The following MCTP1 variants were observed in gnomAD, a reference collection of about 807,000 sequenced individuals.
The protein encoded by MCTP1 is multiple C2 and transmembrane domain containing 1, also known as multiple C2 and transmembrane domain-containing protein 1.
Under a neutral mutation model 120.6 loss-of-function variants are expected in MCTP1, and 69 were observed. That is an observed-to-expected ratio of 0.57 (90% CI 0.47 to 0.70). The LOEUF is 0.70. Among genes scored for constraint, MCTP1 ranks in the 30% least tolerant of loss-of-function variants. The probability of loss-of-function intolerance (pLI) is 0.00; values close to 1 mark genes in which losing one functional copy is unlikely to be tolerated. For missense variants in MCTP1, 1,203 were observed against 1,248.8 expected (o/e 0.96, Z 0.55); for synonymous variants, 529 against 493.1 (o/e 1.07, Z -0.96).
chr5:94,788,727 A>T (rs1403598920), intron 18 of MCTP1: 1 of 148,496 alleles, frequency 6.7e-6, no homozygotes, highest in South Asian at 2.2e-4. Flanking sequence ...CCAAGAGGAG[A>T]GTGCAAAGTC....
intron 19 of MCTP1, among the ~76,000 whole-genome samples, chr5:94,741,602 G>T (rs1323885108): frequency 6.6e-6 from 1 of 152,198 alleles, no homozygotes; most frequent in Non-Finnish European, 1.5e-5. Context: ...TGCTAATGCT[G>T]CTAAGAGCAT....
At chr5:94,840,360 G>A (rs1790747535) in intron 17 of MCTP1, among the ~76,000 whole-genome samples, 1 of 152,194 alleles carries the variant, frequency 6.6e-6, no homozygotes, top group South Asian at 2.1e-4. Flanking sequence ...ACGACAAACA[G>A]CTTCTCCTTC....
chr5:94,908,043 C>T (rs941122010), intron 10 of MCTP1, among the ~76,000 whole-genome samples: 8 of 151,944 alleles, frequency 5.3e-5, no homozygotes, highest in East Asian at 1.9e-4. Context: ...AGCACCTTCT[C>T]GAAAGAGCTC....
chr5:94,989,260 T>C (rs1166207521), intron 2 of MCTP1, among the ~76,000 whole-genome samples: 2 of 152,110 alleles, frequency 1.3e-5, no homozygotes, highest in African/African-American at 4.8e-5. Context: ...GGAATTGTAA[T>C]AGCGGGACAA....
chr5:94,723,561 T>TG (rs975179600), intron 19 of MCTP1, among the ~76,000 whole-genome samples: 25 of 152,122 alleles, frequency 1.6e-4, no homozygotes, highest in South Asian at 4.2e-4. Context: ...CAGAGTTTTT[T>TG]TTTTGTTTTG....
At chr5:95,262,550 A>G (rs752086201) in intron 1 of MCTP1, among the ~76,000 whole-genome samples, 1 of 152,336 alleles carries the variant, frequency 6.6e-6, no homozygotes, top group African/African-American at 2.4e-5. Flanking sequence ...ACAGGACTGC[A>G]TGGAGGGCTG....
At chr5:94,745,495 G>A (rs1258176890) in intron 19 of MCTP1, among the ~76,000 whole-genome samples, 1 of 152,152 alleles carries the variant, frequency 6.6e-6, no homozygotes, top group Non-Finnish European at 1.5e-5. Context: ...TTTTGCAGAT[G>A]AGCTGGTAGG....
chr5:95,181,865 G>A (rs2152515890), intron 1 of MCTP1, among the ~76,000 whole-genome samples: 1 of 152,292 alleles, frequency 6.6e-6, no homozygotes, highest in South Asian at 2.1e-4. Flanking sequence ...GTTAGTGATT[G>A]CTCACTGTGT....
In MCTP1 at chr5:94,956,351, C is replaced by T. The variant is rs367652591; in HGVS notation, c.839-2990G>A. ...GCTGAAAATTCCAAAAACCAGAATG[C>T]CTCTTCTCCTCCAAAGGATCACAAC... On this transcript the variant is annotated intron_variant, in intron 2 of 22. Transcript: ENST00000515393. Among the ~76,000 whole-genome samples the T allele has an allele frequency of 4.4e-4, 67 of 152,262 alleles. 1 individual carries two copies. In the South Asian group the frequency reaches 0.013, roughly 30 times the overall value.
intron 1 of MCTP1, among the ~76,000 whole-genome samples, chr5:95,204,726 G>A (rs1751436630): frequency 6.6e-6 from 1 of 151,664 alleles, no homozygotes; most frequent in Non-Finnish European, 1.5e-5. Flanking sequence ...TAACCAATAA[G>A]GAAATTTAAA....
intron 17 of MCTP1, among the ~76,000 whole-genome samples, chr5:94,854,598 GCTGA>G (rs1794390761): frequency 6.6e-6 from 1 of 151,742 alleles, no homozygotes; most frequent in Non-Finnish European, 1.5e-5. Flanking sequence ...TACCGAGCTC[GCTGA>G]CTAAGGAGTA....
chr5:94,718,832 G>T (rs529165554), intron 19 of MCTP1, among the ~76,000 whole-genome samples: 2 of 152,244 alleles, frequency 1.3e-5, no homozygotes, highest in South Asian at 4.1e-4. Flanking sequence ...CAATTCTCCT[G>T]CCTCAGCCTC....
chr5:95,121,039 C>T lies in MCTP1; in HGVS notation c.721-103555G>A, dbSNP rs555901278. ...CATGCCTGTAATCCTAGCACTTTGTCAGGCCAAGGTGGGCGGATCACGAAG... is the reference window on the plus strand; with the variant it reads ...CATGCCTGTAATCCTAGCACTTTGTTAGGCCAAGGTGGGCGGATCACGAAG... On this transcript the variant is annotated intron_variant, in intron 1 of 22. Transcript: ENST00000515393. Among the ~76,000 whole-genome samples, 50 of 152,064 alleles carry T rather than the reference C, an allele frequency of 3.3e-4. 1 individual carries two copies. Among genetic ancestry groups the T allele is most frequent in the Non-Finnish European group, 6.8e-4 (46 of 67,982 alleles).
In MCTP1 at chr5:94,729,511, T is replaced by C. The variant is rs534302624; in HGVS notation, c.2611-14625A>G. 3.8e-3 allele frequency among the ~76,000 whole-genome samples: 574 copies of C among 152,256 alleles called. 3 individuals are homozygous for C. Among genetic ancestry groups the C allele is most frequent in the African/African-American group, 0.013 (555 of 41,544 alleles). ...ATGAGAGAAGAGAATTGTCCTGTTTTCTTCCTTCTTCCCTTTTCCCAGTCT... is the reference window on the plus strand; with the variant it reads ...ATGAGAGAAGAGAATTGTCCTGTTTCCTTCCTTCTTCCCTTTTCCCAGTCT... On this transcript the variant is annotated intron_variant, in intron 19 of 22. Transcript: ENST00000515393.
At chr5:95,207,267 G>A (rs987190408) in intron 1 of MCTP1, among the ~76,000 whole-genome samples, 1 of 152,144 alleles carries the variant, frequency 6.6e-6, no homozygotes, top group African/African-American at 2.4e-5. Context: ...TTTCAATAGA[G>A]CAGCAGGGGT....
chr5:94,858,363 T>C (rs929273376), intron 17 of MCTP1, among the ~76,000 whole-genome samples: 6 of 151,626 alleles, frequency 4.0e-5, no homozygotes, highest in Non-Finnish European at 7.4e-5. Flanking sequence ...TTTCCACTAA[T>C]AGAAAAGTTC....
chr5:95,068,781 T>A (rs974669056), intron 1 of MCTP1: 1 of 1,274,046 alleles, frequency 7.8e-7, no homozygotes, highest in Non-Finnish European at 1.0e-6. Flanking sequence ...ACTTTGAAAC[T>A]TACGTTTACT....
chr5:94,874,139 C>G (rs1037779621), intron 12 of MCTP1, among the ~76,000 whole-genome samples: 1 of 152,130 alleles, frequency 6.6e-6, no homozygotes, highest in South Asian at 2.1e-4. Context: ...TTAGACAAAG[C>G]TGTCCAGAGG....
At chr5:95,252,121 A>C (rs1471558837) in intron 1 of MCTP1, among the ~76,000 whole-genome samples, 1 of 152,156 alleles carries the variant, frequency 6.6e-6, no homozygotes, top group Non-Finnish European at 1.5e-5. Context: ...TGTTCTCAAG[A>C]TAAACAATGA....
Sources: allele counts gnomAD v4.1 joint callset (sites outside exome capture counted in the v4.1 genomes callset), GRCh38; gene constraint gnomAD v4.1.1; transcripts MANE v1.5; gene names NCBI Gene and HGNC (gene_info 2026-07-23, HGNC 2026-07-21).